Variants in PACRGL observed in about 807,000 individuals in gnomAD.
PACRGL encodes parkin coregulated like.
In PACRGL, 38 loss-of-function variants were observed where a neutral mutation model predicts 34.5. The observed-to-expected ratio is 1.10, with a 90% CI of 0.85 to 1.44. The LOEUF is 1.44. PACRGL is among the 40% of genes most tolerant of loss of function. The pLI is 0.00. For synonymous variants in PACRGL, 128 were observed against 100.1 expected, an observed-to-expected ratio of 1.28 and a Z score of -1.66; for missense variants, 305 against 281.4, an observed-to-expected ratio of 1.08 and a Z score of -0.60.
At chr4:20,766,427 G>T in the PACRGL span, among the ~76,000 whole-genome samples, 1 of 152,104 alleles carries the variant, frequency 6.6e-6, no homozygotes, top group Non-Finnish European at 1.5e-5. Context: ...TTAGCCAGGC[G>T]TGGTGGCACA....
intron 8 of PACRGL, chr4:20,749,815 G>T: frequency 2.4e-6 from 2 of 842,008 alleles, no homozygotes; most frequent in Non-Finnish European, 3.8e-6. Context: ...AGCTTCCTTT[G>T]ATCCAGAAGA....
At chr4:20,740,037 A>G (rs1196637227) in intron 8 of PACRGL, among the ~76,000 whole-genome samples, 3 of 152,294 alleles carry the variant, frequency 2.0e-5, no homozygotes, top group African/African-American at 2.4e-5. Context: ...GAAGAGAAGT[A>G]TAGAGAAAAA....
At chr4:20,764,708 A>AC in the PACRGL span, among the ~76,000 whole-genome samples, 30 of 150,866 alleles carry the variant, frequency 2.0e-4, no homozygotes, top group East Asian at 3.9e-4. Context: ...ACACACACAC[A>AC]ACCCCATGAA....
intron 8 of PACRGL, among the ~76,000 whole-genome samples, chr4:20,742,307 A>G (rs1004786048): frequency 7.2e-5 from 11 of 152,206 alleles, no homozygotes; most frequent in African/African-American, 2.7e-4. Flanking sequence ...ACATCGATGC[A>G]AAAATCCTCA....
intron 7 of PACRGL, among the ~76,000 whole-genome samples, chr4:20,721,555 C>T (rs1743202181): frequency 6.6e-6 from 1 of 152,186 alleles, no homozygotes; most frequent in African/African-American, 2.4e-5. Flanking sequence ...TTGGGACGCT[C>T]AGCTGCAGGT....
intron 5 of PACRGL, 157 bp from the exon 6 acceptor site, chr4:20,712,631 C>G (rs1437373617): frequency 2.8e-6 from 2 of 707,390 alleles, no homozygotes; most frequent in Non-Finnish European, 4.1e-6. Context: ...CACAGTTTCT[C>G]AATGTAATTG....
chr4:20,725,206 C>T (rs1745119463), intron 8 of PACRGL, among the ~76,000 whole-genome samples: 3 of 152,058 alleles, frequency 2.0e-5, no homozygotes, highest in Admixed American at 6.6e-5. Context: ...TTAGTTTTGA[C>T]CATCGAAAAG....
At chr4:20,758,902 G>A in the PACRGL span, 2 of 1,610,330 alleles carry the variant, frequency 1.2e-6, no homozygotes, top group Non-Finnish European at 1.7e-6. Flanking sequence ...TAGGGAAAGT[G>A]GCAGAGAAGC....
intron 7 of PACRGL, among the ~76,000 whole-genome samples, chr4:20,716,938 A>G (rs1415475187): frequency 1.3e-5 from 2 of 152,238 alleles, no homozygotes; most frequent in Non-Finnish European, 2.9e-5. Flanking sequence ...GAACTGGTTT[A>G]CAGTCCCACC....
At chr4:20,716,368 C>CT (rs1347173364) in intron 7 of PACRGL, 2 of 582,384 alleles carry the variant, frequency 3.4e-6, no homozygotes, top group South Asian at 2.2e-5. Flanking sequence ...TTTAATTATA[C>CT]TTTAAGTTCT....
Position 20,705,990 on chromosome 4 carries a change from C to T in PACRGL, c.207+1176C>T, listed in dbSNP as rs573183855. ...TGAATTCACTATTGTGATTTATGCA[C>T]ATTAATATTTTAAATATTTGAGTTA... On this transcript the variant is annotated intron_variant, in intron 3 of 8. Coordinates refer to ENST00000503585, the MANE Select transcript of PACRGL (RefSeq NM_001258345.3). 1.3e-4 allele frequency among the ~76,000 whole-genome samples: 19 copies of T among 150,374 alleles called. No individual in the cohort carries two copies. The South Asian group carries it at 2.1e-3, about 17-fold the overall frequency.
downstream of PACRGL, among the ~76,000 whole-genome samples, chr4:20,734,889 C>A (rs1474386201): frequency 6.6e-6 from 1 of 152,134 alleles, no homozygotes; most frequent in Admixed American, 6.5e-5. Context: ...TCAGACTTCT[C>A]TGTGGGCATA....
intron 8 of PACRGL, among the ~76,000 whole-genome samples, chr4:20,747,768 G>A (rs1752675317): frequency 6.6e-6 from 1 of 152,122 alleles, no homozygotes; most frequent in African/African-American, 2.4e-5. Context: ...GCATGAGCAT[G>A]GAGTATGTGT....
chr4:20,760,626 TTAGG>T, the PACRGL span, among the ~76,000 whole-genome samples: 2 of 152,134 alleles, frequency 1.3e-5, no homozygotes, highest in Non-Finnish European at 2.9e-5. Flanking sequence ...AATGATGAGC[TTAGG>T]TAGGCAAAAT....
chr4:20,749,771 T>G, intron 8 of PACRGL: 2 of 1,387,654 alleles, frequency 1.4e-6, no homozygotes, highest in Non-Finnish European at 2.0e-6. Flanking sequence ...AGTCAGTGTT[T>G]CCATATCCTA....
Position 20,713,951 on chromosome 4 carries a change from G to A in PACRGL, c.609+412G>A, listed in dbSNP as rs576691405. Among the ~76,000 whole-genome samples the A allele has an allele frequency of 2.9e-3, 438 of 152,236 alleles. 1 individual carries two copies. The highest frequency in any genetic ancestry group is 0.01 in the African/African-American group (422 of 41,556). ...TCAATTTTGGGATAGGTGTGGTGTGGTGCTGAAAAAAATGTATATTCTGTT... is the reference window on the plus strand; with the variant it reads ...TCAATTTTGGGATAGGTGTGGTGTGATGCTGAAAAAAATGTATATTCTGTT... On this transcript the variant is annotated intron_variant, in intron 7 of 8. Coordinates refer to ENST00000503585, the MANE Select transcript of PACRGL (RefSeq NM_001258345.3).
chr4:20,701,838 A>G, intron 1 of PACRGL: 1 of 456,608 alleles, frequency 2.2e-6, no homozygotes, highest in Non-Finnish European at 4.4e-6. Context: ...AAATCTATAG[A>G]TGTGGAACCC....
At position 20,728,763 on chromosome 4, in the gene PACRGL, C is replaced by CCTAT. The variant is rs942398165; in HGVS notation, c.*1425_*1428dup. ...GTGATAGCAGGGCAGCTTTCAACAT[C>CCTAT]CTATCTCTACACCAGAATAGATACC... On this transcript the variant is annotated 3_prime_UTR_variant, in exon 9 of 9. Transcript: ENST00000503585. The CCTAT allele has an allele frequency of 4.7e-4, 72 of 152,648 alleles. No individual in the cohort carries two copies. The highest frequency in any genetic ancestry group is 1.0e-3 in the South Asian group (5 of 4,826). The allele number at this position is 152,648 out of a possible 1,614,324, so 9.5% of individuals were successfully genotyped here. A position where few individuals can be genotyped will look rare whatever the true frequency, so the allele number is the denominator to read the frequency against.
intron 4 of PACRGL, among the ~76,000 whole-genome samples, chr4:20,708,556 A>G (rs1250308614): frequency 2.0e-5 from 3 of 152,190 alleles, no homozygotes; most frequent in Admixed American, 1.3e-4. Context: ...GTTATTTCAT[A>G]TTTACATTCT....
Sources: gnomAD v4.1 joint callset for allele counts (sites outside exome capture counted in the v4.1 genomes callset) on GRCh38, gnomAD v4.1.1 for gene constraint, MANE v1.5 for transcripts, NCBI Gene and HGNC (gene_info 2026-07-23, HGNC 2026-07-21) for gene names.